Variants in PACS2 observed in about 807,000 individuals in gnomAD.
The protein encoded by PACS2 is PACS1-like protein.
Under a neutral mutation model 113.0 loss-of-function variants are expected in PACS2, and 36 were observed. That is an observed-to-expected ratio of 0.32 (90% CI 0.24 to 0.42). PACS2 has a LOEUF of 0.42. Among genes scored for constraint, PACS2 ranks in the 10% least tolerant of loss-of-function variants. PACS2 has a pLI of 1.00. For missense variants in PACS2, 1,015 were observed against 1,239.5 expected, an observed-to-expected ratio of 0.82 and a Z score of 2.72; for synonymous variants, 589 against 536.1, an observed-to-expected ratio of 1.10 and a Z score of -1.36.
intron 1 of PACS2, among the ~76,000 whole-genome samples, chr14:105,343,524 A>G (rs2059811710): frequency 6.6e-6 from 1 of 152,104 alleles, no homozygotes; most frequent in Admixed American, 6.5e-5. Flanking sequence ...AGCATTTGGT[A>G]TTAGCTTTTT....
intron 1 of PACS2, among the ~76,000 whole-genome samples, chr14:105,334,423 C>T (rs1481364779): frequency 2.0e-5 from 3 of 152,232 alleles, no homozygotes; most frequent in Non-Finnish European, 2.9e-5. Context: ...TCACCCTCTT[C>T]CCTCTGTCTG....
At chr14:105,346,045 C>T (rs1297762681) in intron 1 of PACS2, among the ~76,000 whole-genome samples, 2 of 152,188 alleles carry the variant, frequency 1.3e-5, no homozygotes, top group East Asian at 3.9e-4. Context: ...ACCTTGTGCT[C>T]ACAAACACTG....
Position 105,397,906 on chromosome 14 carries a change from G to C in PACS2, c.*3234G>C, listed in dbSNP as rs2081571224. The C allele has an allele frequency of 6.6e-6, 1 of 152,250 alleles. No homozygotes were observed. Among genetic ancestry groups the C allele is most frequent in the Non-Finnish European group, 1.5e-5 (1 of 68,076 alleles). The allele number at this position is 152,250 out of a possible 1,614,324, so 9.4% of individuals were successfully genotyped here. On this transcript the variant is annotated 3_prime_UTR_variant, in exon 25 of 25. Transcript: ENST00000447393. ...CTGTAGGGGACTGAGAGCTGGGCTT[G>C]CTGGGCACCTCTGGAATCTGACCCT... is the stretch of plus-strand genomic sequence containing the variant.
chr14:105,342,520 C>T (rs1396194151), intron 1 of PACS2, among the ~76,000 whole-genome samples: 5 of 151,976 alleles, frequency 3.3e-5, no homozygotes, highest in Non-Finnish European at 4.4e-5. Flanking sequence ...CCACCCGCCT[C>T]GGCCTCCCAC....
In PACS2 at chr14:105,395,908, T is replaced by TC. The variant is rs1164966260; in HGVS notation, c.*1239dup. 3 of 152,308 alleles carry TC rather than the reference T, an allele frequency of 2.0e-5. No individual in the cohort carries two copies. The highest frequency in any genetic ancestry group is 1.3e-4 in the Admixed American group (2 of 15,278). The allele number at this position is 152,308 out of a possible 1,614,324, so 9.4% of individuals were successfully genotyped here. On this transcript the variant is annotated 3_prime_UTR_variant, in exon 25 of 25. Coordinates refer to ENST00000447393, the MANE Select transcript of PACS2 (RefSeq NM_001100913.3). ...GGAGGAGCTGGGGAAGCTGGGGCCC[T>TC]CCCAGGGGTCCTGATCGACCCTGGG...
chr14:105,309,934 C>T (rs1451577360), upstream of PACS2, among the ~76,000 whole-genome samples: 4 of 151,412 alleles, frequency 2.6e-5, no homozygotes, highest in East Asian at 2.0e-4. This position sits in a 1 kb window ranked among gnomAD's most constrained non-coding sequence, Gnocchi z 4.0. Context: ...TACAGGCGCC[C>T]GCCACCACAC....
chr14:105,354,390 C>T lies in PACS2; in HGVS notation c.298-662C>T, dbSNP rs1447866739. Among the ~76,000 whole-genome samples the T allele has an allele frequency of 6.6e-6, 1 of 152,214 alleles. No individual in the cohort carries two copies. Among genetic ancestry groups the T allele is most frequent in the Non-Finnish European group, 1.5e-5 (1 of 68,040 alleles). The stretch of plus-strand genomic sequence containing the variant: ...GTGCCGGGATTACAGGTGTGAGCCA[C>T]CGCGCCTGGCCCAATGCTCCATGGT... On this transcript the variant is annotated intron_variant, in intron 3 of 24. Transcript: ENST00000447393. The surrounding 1 kb of genome is among the most constrained non-coding windows in gnomAD (Gnocchi z 4.2).
At chr14:105,327,749 G>C (rs1018410280) in intron 1 of PACS2, among the ~76,000 whole-genome samples, 1 of 152,298 alleles carries the variant, frequency 6.6e-6, no homozygotes, top group Admixed American at 6.5e-5. Flanking sequence ...ACTGTGGCTC[G>C]AGCGGTTCCC....
In PACS2 at chr14:105,356,050, C is replaced by T. The variant is rs2060431620; in HGVS notation, c.423+873C>T. Among the ~76,000 whole-genome samples the T allele has an allele frequency of 6.6e-6, 1 of 152,194 alleles. No individual in the cohort carries two copies. The highest frequency in any genetic ancestry group is 1.5e-5 in the Non-Finnish European group (1 of 68,020). ...GGGAAGGTCAGCCAGCGCAGCCCCT[C>T]ATTGGGAGCCGGAGATGCCAGAGCC... On this transcript the variant is annotated intron_variant, in intron 4 of 24. Coordinates refer to ENST00000447393, the MANE Select transcript of PACS2 (RefSeq NM_001100913.3). This position sits in a 1 kb window ranked among gnomAD's most constrained non-coding sequence, Gnocchi z 4.0.
chr14:105,367,754 G>A (rs954432967), intron 5 of PACS2, among the ~76,000 whole-genome samples: 38 of 152,222 alleles, frequency 2.5e-4, no homozygotes, highest in Non-Finnish European at 5.3e-4. Context: ...CCTCAGGCGG[G>A]GGAGACCCAG....
rs1199816486 is a variant in PACS2 at position 105,340,202 on chromosome 14, G to A, written c.120-8291G>A. On this transcript the variant is annotated intron_variant, in intron 1 of 24. Transcript: ENST00000447393. This position sits in a 1 kb window ranked among gnomAD's most constrained non-coding sequence, Gnocchi z 4.2. ...TGTACCAGCAGAAACACATGCGATC[G>A]TAATGTGCTTCAGAAATGGCCTCAT... Among the ~76,000 whole-genome samples, 3 of 152,242 alleles carry A rather than the reference G, an allele frequency of 2.0e-5. No homozygotes were observed. Among genetic ancestry groups the A allele is most frequent in the African/African-American group, 7.2e-5 (3 of 41,466 alleles).
chr14:105,327,274 C>T (rs1001549105), intron 1 of PACS2, among the ~76,000 whole-genome samples: 3 of 152,282 alleles, frequency 2.0e-5, no homozygotes, highest in South Asian at 4.1e-4. Context: ...CCAGGAAGGT[C>T]GAGAGGCTGC....
In PACS2 at chr14:105,324,257, C is replaced by T. The variant is rs927949231; in HGVS notation, c.119+9220C>T. ...GCGGGTCTGCGGTCAGTCACAGTGA[C>T]GGGGGTCTCTTTGGACCCTGTGACT... On this transcript the variant is annotated intron_variant, in intron 1 of 24. Coordinates refer to ENST00000447393, the MANE Select transcript of PACS2 (RefSeq NM_001100913.3). The surrounding 1 kb of genome is among the most constrained non-coding windows in gnomAD (Gnocchi z 4.7). Among the ~76,000 whole-genome samples, 4 of 152,114 alleles carry T rather than the reference C, an allele frequency of 2.6e-5. No homozygotes were observed. Among genetic ancestry groups the T allele is most frequent in the African/African-American group, 9.7e-5 (4 of 41,414 alleles).
rs782109208 is a variant in PACS2 at position 105,391,782 on chromosome 14, G to A, written c.2255+16G>A. The stretch of plus-strand genomic sequence containing the variant: ...CCTCCCCCAGGTAAAGGTGCCTCAC[G>A]GCTCAGCACGTTTCACTTACCCGCC... On this transcript the variant is annotated intron_variant, in intron 22 of 24. Transcript: ENST00000447393. 18 of 1,580,334 alleles carry A rather than the reference G, an allele frequency of 1.1e-5. No homozygotes were observed. Among genetic ancestry groups the A allele is most frequent in the Admixed American group, 5.5e-5 (3 of 54,556 alleles).
intron 20 of PACS2, chr14:105,390,264 G>C (rs2081312023): frequency 5.7e-6 from 3 of 525,950 alleles, no homozygotes; most frequent in Non-Finnish European, 1.0e-5. Flanking sequence ...GGTGGGGCGA[G>C]GCCTCAGAAC....
At position 105,366,964 on chromosome 14, in the gene PACS2, C is replaced by G. The variant is rs921442542; in HGVS notation, c.424-249C>G. Reference sequence around the variant, plus strand: ...CAGTGCCCTCTGCTTATGGCCCGTTCGTGAAAGCTCCCACGTGTTCCTCTC... The same window carrying G: ...CAGTGCCCTCTGCTTATGGCCCGTTGGTGAAAGCTCCCACGTGTTCCTCTC... On this transcript the variant is annotated intron_variant, in intron 4 of 24. Transcript: ENST00000447393. This position sits in a 1 kb window ranked among gnomAD's most constrained non-coding sequence, Gnocchi z 4.3. Among the ~76,000 whole-genome samples, 6 of 152,174 alleles carry G rather than the reference C, an allele frequency of 3.9e-5. No homozygotes were observed. Among genetic ancestry groups the G allele is most frequent in the Non-Finnish European group, 8.8e-5 (6 of 68,030 alleles).
chr14:105,352,337 A>C, intron 2 of PACS2, 41 bp from the exon 3 acceptor site: 3 of 1,291,602 alleles, frequency 2.3e-6, no homozygotes, highest in Admixed American at 1.7e-5. Flanking sequence ...TCCTGCTGAT[A>C]TGCAGTCCTT....
At position 105,376,691 on chromosome 14, in the gene PACS2, CTCTGGGG is replaced by C; in HGVS notation, c.802-73_802-67del. 1 of 1,447,732 alleles carries C rather than the reference CTCTGGGG, an allele frequency of 6.9e-7. No homozygotes were observed. Among genetic ancestry groups the C allele is most frequent in the Non-Finnish European group, 9.5e-7 (1 of 1,050,740 alleles). The allele number at this position is 1,447,732 out of a possible 1,614,324, so 89.7% of individuals were successfully genotyped here. ...GCCCGCCTCCTATTGCTCCTGCAGA[CTCTGGGG>C]TCTCGGGCGCCCCCAGTGGGGCAAT... is the stretch of plus-strand genomic sequence containing the variant. On this transcript the variant is annotated intron_variant, in intron 8 of 24. Coordinates refer to ENST00000447393, the MANE Select transcript of PACS2 (RefSeq NM_001100913.3). The surrounding 1 kb of genome is among the most constrained non-coding windows in gnomAD (Gnocchi z 4.7).
intron 4 of PACS2, among the ~76,000 whole-genome samples, chr14:105,362,416 C>CAAAAAAAAAAAA (rs1157752286): frequency 2.9e-5 from 2 of 68,116 alleles, no homozygotes; most frequent in African/African-American, 1.3e-4. Context: ...GACTCCGTCT[C>CAAAAAAAAAAAA]AAAAAAAAAA....
Sources: gnomAD v4.1 joint callset for allele counts (sites outside exome capture counted in the v4.1 genomes callset) on GRCh38, gnomAD v4.1.1 for gene constraint, Gnocchi (gnomAD v3.1) non-coding constraint, MANE v1.5 for transcripts, NCBI Gene and HGNC (gene_info 2026-07-23, HGNC 2026-07-21) for gene names.